Variants in ARHGEF4 observed in about 807,000 individuals in gnomAD.
The protein encoded by ARHGEF4 is Rho guanine nucleotide exchange factor 4, also known as APC-stimulated guanine nucleotide exchange factor 1.
ARHGEF4 carries 119 observed loss-of-function variants against 162.0 expected under a neutral mutation model. That is an observed-to-expected ratio of 0.73 (90% confidence interval 0.63 to 0.86). The LOEUF is 0.86. ARHGEF4 is among the 40% of genes least tolerant of loss of function. ARHGEF4 has a pLI of 0.00. For synonymous variants in ARHGEF4, 1,014 were observed against 979.9 expected (o/e 1.03, Z -0.65); for missense variants, 2,488 against 2,456.0 (o/e 1.01, Z -0.28).
At position 130,916,640 on chromosome 2, in the gene ARHGEF4, C is replaced by T; in HGVS notation, c.2694C>T (p.Leu898=). Residue 898 remains leucine (L), a synonymous_variant, in exon 2 of 14, where the codon CTC becomes CTT. Coordinates refer to ENST00000409359, the MANE Select transcript of ARHGEF4 (RefSeq NM_001367493.1). ...PSSESCNAKR[L]KTTEKKLRAR... ...CTGAGAGCTGCAACGCAAAGAGACT[C>T]AAAACAACGGAGAAAAAACTCAGGG... 6.4e-7 allele frequency: 1 copy of T among 1,550,568 alleles called. No individual in the cohort carries two copies. The highest frequency in any genetic ancestry group is 8.7e-7 in the Non-Finnish European group (1 of 1,146,980).
At chr2:131,008,867 C>T (rs760377914) in intron 4 of ARHGEF4, among the ~76,000 whole-genome samples, 1 of 152,108 alleles carries the variant, frequency 6.6e-6, no homozygotes, top group Admixed American at 6.5e-5. Context: ...TTTATATGCT[C>T]ATCTACATGT....
chr2:131,013,898 G>A (rs1688624354), intron 4 of ARHGEF4, among the ~76,000 whole-genome samples: 1 of 152,162 alleles, frequency 6.6e-6, no homozygotes, highest in South Asian at 2.1e-4. Flanking sequence ...ACCACACCCG[G>A]CCTAATTTGT....
Position 130,915,217 on chromosome 2 carries a change from T to TG in ARHGEF4, c.1276dup (p.Glu426GlyfsTer31), listed in dbSNP as rs772683275. On this transcript the variant is annotated frameshift_variant, in exon 2 of 14. Coordinates refer to ENST00000409359, the MANE Select transcript of ARHGEF4 (RefSeq NM_001367493.1). LOFTEE classifies it high-confidence loss of function. ...CAGGACACTCCTTCTGCAGGTCTCC[T>TG]GGGGGAAAACCAGTTAAGACAGGAT... The TG allele has an allele frequency of 6.4e-7, 1 of 1,550,574 alleles. No homozygotes were observed.
At chr2:130,850,267 A>G (rs1454709952) in intron 1 of ARHGEF4, among the ~76,000 whole-genome samples, 2 of 152,314 alleles carry the variant, frequency 1.3e-5, no homozygotes, top group African/African-American at 4.8e-5. Flanking sequence ...CTGAGGAAGG[A>G]GGAGCCACTG....
chr2:130,916,464 GC>G lies in ARHGEF4; in HGVS notation c.2519del (p.Ala840GlyfsTer84). 1 of 1,543,208 alleles carries G rather than the reference GC, an allele frequency of 6.5e-7. No homozygotes were observed. Among genetic ancestry groups the G allele is most frequent in the Non-Finnish European group, 8.7e-7 (1 of 1,145,926 alleles). On this transcript the variant is annotated frameshift_variant, in exon 2 of 14. Transcript: ENST00000409359. LOFTEE classifies it high-confidence loss of function. ...GCTCCCCAGGGAGAATCCGCCCGCT[GC>G]GGCCGGTCGGGACGCACCGCCTCTG... Reference protein sequence around the residue: ...EGLPRENPPAAAGRDAPPLHH... With the variant: ...EGLPRENPPAXAGRDAPPLHH...
intron 1 of ARHGEF4, among the ~76,000 whole-genome samples, chr2:130,846,349 G>A (rs553061606): frequency 6.6e-6 from 1 of 152,318 alleles, no homozygotes; most frequent in Admixed American, 6.5e-5. Context: ...CTTCTCGGGT[G>A]CTGGGATCCC....
chr2:130,921,306 G>T (rs11887132), intron 2 of ARHGEF4, among the ~76,000 whole-genome samples: 30,628 of 152,024 alleles, frequency 0.2, 5,329 homozygotes, highest in African/African-American at 0.48. Context: ...TCTCTCATCA[G>T]CATGTTGAAT....
intron 1 of ARHGEF4, among the ~76,000 whole-genome samples, chr2:130,908,834 C>T (rs752601014): frequency 6.6e-6 from 1 of 152,094 alleles, no homozygotes; most frequent in Admixed American, 6.5e-5. Context: ...CCTTACAACT[C>T]AATAGTAAGA....
intron 4 of ARHGEF4, among the ~76,000 whole-genome samples, chr2:131,013,934 C>T (rs1688626206): frequency 6.6e-6 from 1 of 152,204 alleles, no homozygotes; most frequent in African/African-American, 2.4e-5. Flanking sequence ...CAGCTATAAT[C>T]TACCATGAAC....
intron 4 of ARHGEF4, among the ~76,000 whole-genome samples, chr2:130,962,237 CAAAAAA>C (rs11332592): frequency 8.2e-6 from 1 of 122,356 alleles, no homozygotes; most frequent in Non-Finnish European, 1.7e-5. Flanking sequence ...GTTTCCGTTT[CAAAAAA>C]AAAAAAAAAA....
intron 13 of ARHGEF4, 92 bp from the exon 14 acceptor site, chr2:131,045,946 G>A: frequency 2.6e-6 from 4 of 1,512,814 alleles, no homozygotes; most frequent in Non-Finnish European, 3.5e-6. Flanking sequence ...CTCTGAAGCA[G>A]AGCCCTGGGA....
At chr2:130,852,030 T>C (rs1024976026) in intron 1 of ARHGEF4, among the ~76,000 whole-genome samples, 1 of 152,250 alleles carries the variant, frequency 6.6e-6, no homozygotes, top group Non-Finnish European at 1.5e-5. Flanking sequence ...ACTTTATCCG[T>C]AGCTATTTTA....
At chr2:130,923,636 TAGTG>T (rs1432382039) in intron 2 of ARHGEF4, among the ~76,000 whole-genome samples, 4 of 152,140 alleles carry the variant, frequency 2.6e-5, no homozygotes, top group Non-Finnish European at 5.9e-5. Context: ...GTCAATAAAT[TAGTG>T]AGCGAGTAAG....
chr2:130,894,627 T>C (rs1680051038), intron 1 of ARHGEF4, among the ~76,000 whole-genome samples: 1 of 152,072 alleles, frequency 6.6e-6, no homozygotes, highest in Admixed American at 6.5e-5. Context: ...TAACAAAACA[T>C]CTATTGCCTT....
At chr2:130,968,899 C>G (rs990239806) in intron 4 of ARHGEF4, among the ~76,000 whole-genome samples, 4 of 152,096 alleles carry the variant, frequency 2.6e-5, no homozygotes, top group Non-Finnish European at 5.9e-5. Flanking sequence ...GCCTGGGCAA[C>G]AGAGCAAGTC....
intron 6 of ARHGEF4, chr2:131,039,625 G>T: frequency 9.1e-7 from 1 of 1,097,410 alleles, no homozygotes. Flanking sequence ...TGTCCACTCC[G>T]CACCCTAAGC....
intron 11 of ARHGEF4, 129 bp downstream of exon 11, chr2:131,043,712 G>A (rs1414518201): frequency 2.3e-6 from 3 of 1,302,616 alleles, no homozygotes; most frequent in Non-Finnish European, 3.2e-6. Context: ...CCAGACCCTT[G>A]GGGCTGGGAT....
intron 4 of ARHGEF4, among the ~76,000 whole-genome samples, chr2:130,981,220 A>G (rs1381979324): frequency 1.3e-5 from 2 of 152,230 alleles, no homozygotes; most frequent in Non-Finnish European, 2.9e-5. Context: ...TGGGAATTCT[A>G]GATAAATAGA....
intron 3 of ARHGEF4, among the ~76,000 whole-genome samples, chr2:130,943,735 A>ATGT (rs1325409190): frequency 3.3e-5 from 5 of 151,998 alleles, no homozygotes; most frequent in Admixed American, 2.0e-4. Flanking sequence ...CTCCTCCTTT[A>ATGT]TGTTGTTGTT....
Sources: gnomAD v4.1 joint callset for allele counts (sites outside exome capture counted in the v4.1 genomes callset) on GRCh38, gnomAD v4.1.1 for gene constraint, MANE v1.5 for transcripts, NCBI Gene and HGNC (gene_info 2026-07-23, HGNC 2026-07-21) for gene names.